Variants in CSMD2 observed in about 807,000 individuals in gnomAD.
CSMD2 encodes CUB and sushi domain-containing protein 2.
In CSMD2, 130 loss-of-function variants were observed where a neutral mutation model predicts 398.5. The ratio of observed to expected loss-of-function variants is 0.33; its 90% CI spans 0.28 to 0.38. The LOEUF (loss-of-function observed/expected upper bound fraction) is 0.38, where lower values mean the gene tolerates loss of function less well. CSMD2 is among the 10% of genes least tolerant of loss of function. CSMD2 has a pLI of 1.00. For missense variants in CSMD2, 3,829 were observed against 4,764.9 expected (o/e 0.80, Z 5.78); for synonymous variants, 1,828 against 1,908.5 (o/e 0.96, Z 1.10).
chr1:34,049,155 G>A (rs1652882024), intron 2 of CSMD2, among the ~76,000 whole-genome samples: 1 of 152,180 alleles, frequency 6.6e-6, no homozygotes, highest in African/African-American at 2.4e-5. Context: ...ACAGTGGAGG[G>A]TCAACCTGAA....
At chr1:33,864,967 AGGGAAAGGAG>A (rs1639900713) in intron 5 of CSMD2, among the ~76,000 whole-genome samples, 1 of 1,446 alleles carries the variant, frequency 6.9e-4, no homozygotes. Context: ...GGGGAAGGGA[AGGGAAAGGAG>A]GGGAATGGAG....
intron 5 of CSMD2, among the ~76,000 whole-genome samples, chr1:33,868,289 TG>T (rs1445389476): frequency 6.6e-6 from 1 of 152,230 alleles, no homozygotes; most frequent in African/African-American, 2.4e-5. Flanking sequence ...ACCGTTTTTC[TG>T]TGTTCATGTA....
At chr1:34,162,174 CAAAAAA>C (rs35659871) in intron 1 of CSMD2, among the ~76,000 whole-genome samples, 1,307 of 46,996 alleles carry the variant, frequency 0.028, 39 homozygotes, top group African/African-American at 0.099. Context: ...AACTCCCTCT[CAAAAAA>C]AAAAAAAAAA....
chr1:34,102,019 G>A (rs1394132075), intron 1 of CSMD2, among the ~76,000 whole-genome samples: 1 of 148,266 alleles, frequency 6.7e-6, no homozygotes, highest in Non-Finnish European at 1.5e-5. Flanking sequence ...GATTTCCCAT[G>A]TAGATTAAAA....
Position 33,572,641 on chromosome 1 carries a change from T to C in CSMD2, c.7627A>G (p.Lys2543Glu). The part of the protein sequence containing the change: ...EAPKNGMVFG[K>E]EYTVGTKAMY... ...GCCTTGGTTCCCACTGTGTACTCCT[T>C]GCCAAACACCATTCCATTCTTGGGG... The change falls in exon 50 of 71, where the codon AAG becomes GAG. Residue 2543 changes from lysine to glutamate, a missense_variant. Coordinates refer to ENST00000373381, the MANE Select transcript of CSMD2 (RefSeq NM_001281956.2). 5.6e-6 allele frequency: 9 copies of C among 1,613,884 alleles called. No homozygotes were observed. The highest frequency in any genetic ancestry group is 1.3e-5 in the African/African-American group (1 of 75,030).
Position 33,537,376 on chromosome 1 carries a change from C to A in CSMD2, c.9805+60G>T, listed in dbSNP as rs1316022537. On this transcript the variant is annotated intron_variant, in intron 61 of 70. Coordinates refer to ENST00000373381, the MANE Select transcript of CSMD2 (RefSeq NM_001281956.2). The surrounding 1 kb of genome is among the most constrained non-coding windows in gnomAD (Gnocchi z 4.6). ...GGGAAGGAAAGTAATCATCTCAGGC[C>A]CAAAAGAAGGTCTCCCGCAACCCCA... is the stretch of plus-strand genomic sequence containing the variant. 83 of 1,533,936 alleles carry A rather than the reference C, an allele frequency of 5.4e-5. No homozygotes were observed. The highest frequency in any genetic ancestry group is 4.5e-4 in the Middle Eastern group (2 of 4,436).
Position 33,542,895 on chromosome 1 carries a change from C to A in CSMD2, c.9102G>T (p.Val3034=). The A allele has an allele frequency of 6.2e-7, 1 of 1,613,760 alleles. No homozygotes were observed. Among genetic ancestry groups the A allele is most frequent in the Non-Finnish European group, 8.5e-7 (1 of 1,179,814 alleles). Residue 3034 remains valine (V), a splice_region_variant and synonymous_variant, in exon 58 of 71, where the codon GTG becomes GTT. Transcript: ENST00000373381. ...SWSGSQPECG[V]ISCGNPGTPS... Reference sequence around the variant, plus strand: ...GAGTCCCAGGGTTCCCACAAGAGATCACTAGGAAGACAAAAATACACATTA... The same window carrying A: ...GAGTCCCAGGGTTCCCACAAGAGATAACTAGGAAGACAAAAATACACATTA...
chr1:33,741,996 G>A (rs1471775755), intron 14 of CSMD2, among the ~76,000 whole-genome samples: 2 of 152,212 alleles, frequency 1.3e-5, no homozygotes, highest in African/African-American at 2.4e-5. Flanking sequence ...ACCAGGCCCT[G>A]TGCGGGGCCA....
Position 33,550,229 on chromosome 1 carries a change from G to T in CSMD2, c.8865C>A (p.Thr2955=), listed in dbSNP as rs1446098256. 2.5e-6 allele frequency: 4 copies of T among 1,614,198 alleles called. No homozygotes were observed. The highest frequency in any genetic ancestry group is 3.4e-6 in the Non-Finnish European group (4 of 1,180,036). Residue 2955 remains threonine, a synonymous_variant, in exon 56 of 71, where the codon ACC becomes ACA. Coordinates refer to ENST00000373381, the MANE Select transcript of CSMD2 (RefSeq NM_001281956.2). ...IGKRTLVGNS[T]RMCGLDGHWT... is the part of the protein sequence containing the mutation. ...AGTGTCCATCCAGCCCACACATGCG[G>T]GTGCTGTTTCCCACCAGAGTACGCT...
chr1:33,788,668 T>A lies in CSMD2; in HGVS notation c.1595A>T (p.His532Leu). 6.2e-7 allele frequency: 1 copy of A among 1,614,068 alleles called. No homozygotes were observed. ...AGTCTGGAAGAGGAGCCACATTTGA[T>A]GATTGGTGCTGACAATGAGATCCGG... ...SVPDLIVSTN[H>L]QMWLLFQTDG... The change falls in exon 12 of 71, where the codon CAT (histidine) becomes CTT (leucine). Residue 532 changes from histidine (H) to leucine (L), a missense_variant. Physicochemically the swap from His to Leu is moderately conservative, Grantham distance 99. Around this residue, in one of 5 missense-constraint regions of CSMD2, gnomAD observed 2,001 missense variants for 2,567.1 expected, o/e 0.78. Coordinates refer to ENST00000373381, the MANE Select transcript of CSMD2 (RefSeq NM_001281956.2).
At chr1:33,788,507 C>CAAAAA (rs57878978) in intron 12 of CSMD2, 93 bp downstream of exon 12, 34 of 522,146 alleles carry the variant, frequency 6.5e-5, no homozygotes, top group South Asian at 2.0e-4. Flanking sequence ...GACTCCGTCT[C>CAAAAA]AAAAAAAAAA....
At chr1:33,556,469 C>G (rs538905284) in intron 55 of CSMD2, among the ~76,000 whole-genome samples, 1 of 152,220 alleles carries the variant, frequency 6.6e-6, no homozygotes, top group Non-Finnish European at 1.5e-5. Flanking sequence ...GCTGCATGGC[C>G]TTAACTGCAT....
Position 33,961,433 on chromosome 1 carries a change from T to A in CSMD2, c.518-25479A>T, listed in dbSNP as rs1333897380. Among the ~76,000 whole-genome samples the A allele has an allele frequency of 2.0e-5, 3 of 152,224 alleles. No homozygotes were observed. In the East Asian group the frequency reaches 5.8e-4, roughly 29 times the overall value. ...CTGCTTGGAAGGCAAAGGAGGCCAG[T>A]ATCTCAGTGACATCTGGGAGGGAGT... is the stretch of plus-strand genomic sequence containing the variant. On this transcript the variant is annotated intron_variant, in intron 3 of 70. Transcript: ENST00000373381.
chr1:33,819,859 T>A, intron 8 of CSMD2, 22 bp from the exon 9 acceptor site: 1 of 1,613,444 alleles, frequency 6.2e-7, no homozygotes. Flanking sequence ...AGTGTGTCTG[T>A]GAGCTCCATC....
chr1:33,531,428 A>G (rs1275992629), intron 64 of CSMD2, among the ~76,000 whole-genome samples: 3 of 152,216 alleles, frequency 2.0e-5, no homozygotes, highest in Non-Finnish European at 4.4e-5. Context: ...AACTTTGGCA[A>G]TTCCTCAAAA....
At chr1:33,924,291 A>T (rs1181642147) in intron 4 of CSMD2, among the ~76,000 whole-genome samples, 1 of 152,046 alleles carries the variant, frequency 6.6e-6, no homozygotes, top group African/African-American at 2.4e-5. Flanking sequence ...CCCTTGCCTC[A>T]GCCTCCCAAG....
intron 29 of CSMD2, among the ~76,000 whole-genome samples, chr1:33,642,703 A>G (rs1381475759): frequency 6.6e-6 from 1 of 152,152 alleles, no homozygotes; most frequent in African/African-American, 2.4e-5. Flanking sequence ...TAAGTTACTT[A>G]GGCTGTTAGT....
chr1:33,762,485 G>T (rs1385801839), intron 13 of CSMD2, among the ~76,000 whole-genome samples: 1 of 152,196 alleles, frequency 6.6e-6, no homozygotes, highest in Admixed American at 6.5e-5. Context: ...AGTTTTCCCA[G>T]TTCCTCTTCC....
At chr1:33,611,571 T>A (rs1242487249) in intron 40 of CSMD2, among the ~76,000 whole-genome samples, 3 of 152,236 alleles carry the variant, frequency 2.0e-5, no homozygotes, top group African/African-American at 7.2e-5. Context: ...ATGTCCAATA[T>A]CAGCATAAAG....
Sources: allele counts gnomAD v4.1 joint callset (sites outside exome capture counted in the v4.1 genomes callset), GRCh38; gene constraint gnomAD v4.1.1; regional missense constraint gnomAD v4.1.1; non-coding constraint Gnocchi (gnomAD v3.1); transcripts MANE v1.5; gene names NCBI Gene and HGNC (gene_info 2026-07-23, HGNC 2026-07-21).